The following USP34 variants were observed in gnomAD, a reference collection of about 807,000 sequenced individuals.
USP34 encodes ubiquitin specific peptidase 34, also known as ubiquitin carboxyl-terminal hydrolase 34.
Under a neutral mutation model 460.3 loss-of-function variants are expected in USP34, and 70 were observed. The ratio of observed to expected loss-of-function variants is 0.15; its 90% CI spans 0.13 to 0.19. The LOEUF is 0.19. Among genes scored for constraint, USP34 ranks in the 10% least tolerant of loss-of-function variants. The pLI is 1.00. For missense variants in USP34, 3,985 were observed against 4,236.2 expected (o/e 0.94, Z 1.65); for synonymous variants, 1,647 against 1,405.3 (o/e 1.17, Z -3.85).
At chr2:61,229,495 CACCA>C in intron 59 of USP34, 49 bp downstream of exon 59, 14 of 497,358 alleles carry the variant, frequency 2.8e-5, no homozygotes, top group South Asian at 4.1e-5. Flanking sequence ...AAAACAAAAA[CACCA>C]CACACACACA....
chr2:61,263,350 T>C (rs983795522), intron 43 of USP34, among the ~76,000 whole-genome samples: 44 of 151,702 alleles, frequency 2.9e-4, no homozygotes, highest in African/African-American at 1.0e-3. Flanking sequence ...TGGCTAATTT[T>C]CATATTTTTT....
intron 70 of USP34, chr2:61,208,246 A>G (rs1400985003): frequency 6.6e-6 from 1 of 152,190 alleles, no homozygotes; most frequent in Non-Finnish European, 1.5e-5. Context: ...CAGAAACTCA[A>G]AAGAACGCAA....
rs770411074 is a variant in USP34 at position 61,347,867 on chromosome 2, T to TACCC, written c.2284_2285+2dup. On this transcript the variant is annotated splice_region_variant and intron_variant, in intron 15 of 79. Transcript: ENST00000398571. ...CTGAATATTTATTTTGAAGTAGGCTTACCCATCGTGGTGGTGGTGATGGTG... is the reference window on the plus strand; with the variant it reads ...CTGAATATTTATTTTGAAGTAGGCTTACCCACCCATCGTGGTGGTGGTGATGGTG... 6.2e-7 allele frequency: 1 copy of TACCC among 1,612,280 alleles called. No individual in the cohort carries two copies.
chr2:61,355,269 TTGAAA>T (rs1692068819), intron 10 of USP34, among the ~76,000 whole-genome samples: 1 of 152,176 alleles, frequency 6.6e-6, no homozygotes, highest in Non-Finnish European at 1.5e-5. Context: ...GTCCTTCCAG[TTGAAA>T]TGAAATAAGA....
At chr2:61,359,995 G>C (rs1250301337) in intron 10 of USP34, among the ~76,000 whole-genome samples, 1 of 151,938 alleles carries the variant, frequency 6.6e-6, no homozygotes, top group African/African-American at 2.4e-5. Context: ...ATGTTGGCCA[G>C]GCTGGTCTTG....
chr2:61,372,445 C>A (rs953417145), intron 8 of USP34, among the ~76,000 whole-genome samples: 1 of 151,988 alleles, frequency 6.6e-6, no homozygotes, highest in East Asian at 1.9e-4. Flanking sequence ...AATAGAAGAC[C>A]CAGGCTGGTG....
At chr2:61,317,605 T>A (rs1290339638) in intron 23 of USP34, 49 bp downstream of exon 23, 1 of 1,486,512 alleles carries the variant, frequency 6.7e-7, no homozygotes, top group Non-Finnish European at 9.3e-7. Context: ...AATTTGATAA[T>A]CTAATTTGAG....
chr2:61,257,057 A>T lies in USP34; in HGVS notation c.6043T>A (p.Ser2015Thr), dbSNP rs764252827. ...AAACCAGGTATAATACTTACCAAGG[A>T]TACAACATTGTTTGTAATTACACCT... ...FGGVITNNVV[S>T]LDCEHVSQTA... The change falls in exon 46 of 80, where the codon TCC becomes ACC. Residue 2015 changes from serine (S) to threonine (T), a missense_variant. Physicochemically the swap from Ser to Thr is moderately conservative, Grantham distance 58. Around this residue, in one of 14 missense-constraint regions of USP34, gnomAD observed 145 missense variants for 291.6 expected, o/e 0.50. Transcript: ENST00000398571. 3 of 1,572,168 alleles carry T rather than the reference A, an allele frequency of 1.9e-6. No individual in the cohort carries two copies. The highest frequency in any genetic ancestry group is 2.6e-6 in the Non-Finnish European group (3 of 1,162,762).
chr2:61,237,736 T>A (rs1032930116), intron 53 of USP34, among the ~76,000 whole-genome samples: 11 of 149,738 alleles, frequency 7.3e-5, no homozygotes, highest in African/African-American at 1.2e-4. Flanking sequence ...GCCCAGCTAT[T>A]ATTTTTGTAT....
intron 37 of USP34, among the ~76,000 whole-genome samples, chr2:61,281,645 C>CAT (rs1342222908): frequency 3.3e-5 from 5 of 152,034 alleles, no homozygotes; most frequent in African/African-American, 7.2e-5. Flanking sequence ...TAATCCCATA[C>CAT]ATATATATAT....
rs944597982 is a variant in USP34, at chr2:61,214,212, C to T, written c.8530G>A (p.Val2844Met). 2.1e-5 allele frequency: 34 copies of T among 1,614,082 alleles called. No individual in the cohort carries two copies. Among genetic ancestry groups the T allele is most frequent in the Non-Finnish European group, 2.8e-5 (33 of 1,180,046 alleles). Residue 2844 changes from valine (V) to methionine (M), a missense_variant, in exon 68 of 80, where the codon GTG (valine) becomes ATG (methionine). Physicochemically the swap from Val to Met is conservative, Grantham distance 21. This residue lies in a region of USP34 where 66 missense variants were observed against 121.2 expected (regional missense o/e 0.54). Coordinates refer to ENST00000398571, the MANE Select transcript of USP34 (RefSeq NM_014709.4). ...ILADHDDQDVVLFNRGMLPAY... is the reference protein window; with the variant it reads ...ILADHDDQDVMLFNRGMLPAY... ...GGCAGCATCCCACGGTTAAAAAGCA[C>T]CACATCCTGATCATCATGGTCAGCA...
chr2:61,265,835 T>G (rs1415404710), intron 42 of USP34, 149 bp downstream of exon 42: 2 of 734,510 alleles, frequency 2.7e-6, no homozygotes, highest in African/African-American at 3.6e-5. Flanking sequence ...CACATCAATG[T>G]TTACTTTTTA....
chr2:61,362,974 A>C (rs1692319849), intron 10 of USP34, among the ~76,000 whole-genome samples: 1 of 152,242 alleles, frequency 6.6e-6, no homozygotes. Context: ...TGATTTTAAA[A>C]ATTAACATCC....
Position 61,432,983 on chromosome 2 carries a change from G to A in USP34, c.44-12150C>T, listed in dbSNP as rs1224215818. On this transcript the variant is annotated intron_variant, in intron 1 of 79. Coordinates refer to ENST00000398571, the MANE Select transcript of USP34 (RefSeq NM_014709.4). ...GTAATACATTCAAGATATTAGATAAGCTGAAGAATTCCAGCAAAGTTATGA... is the reference window on the plus strand; with the variant it reads ...GTAATACATTCAAGATATTAGATAAACTGAAGAATTCCAGCAAAGTTATGA... Among the ~76,000 whole-genome samples, 6 of 152,198 alleles carry A rather than the reference G, an allele frequency of 3.9e-5. 1 individual carries two copies. Among genetic ancestry groups the A allele is most frequent in the Admixed American group, 3.3e-4 (5 of 15,282 alleles).
At chr2:61,445,995 C>T (rs1695104363) in intron 1 of USP34, among the ~76,000 whole-genome samples, 1 of 151,502 alleles carries the variant, frequency 6.6e-6, no homozygotes. Context: ...CACCTGTAAT[C>T]CCAGCCACTC....
intron 69 of USP34, 141 bp from the exon 70 acceptor site, chr2:61,209,118 C>T (rs890755203): frequency 9.3e-6 from 4 of 431,574 alleles, no homozygotes; most frequent in African/African-American, 8.2e-5. Flanking sequence ...TCATCTGTTT[C>T]CTGGAAATGC....
At position 61,189,012 on chromosome 2, in the gene USP34, C is replaced by T; in HGVS notation, c.9931G>A (p.Ala3311Thr). 1 of 1,614,208 alleles carries T rather than the reference C, an allele frequency of 6.2e-7. No individual in the cohort carries two copies. The highest frequency in any genetic ancestry group is 8.5e-7 in the Non-Finnish European group (1 of 1,180,050). Reference sequence around the variant, plus strand: ...AGCTCTTGCAGAGTTGGAATTAGAGCTGGGTTTAACTGTTTGGGAGTGTGT... The same window carrying T: ...AGCTCTTGCAGAGTTGGAATTAGAGTTGGGTTTAACTGTTTGGGAGTGTGT... ...SVHTPKQLNP[A>T]LIPTLQELLS... Residue 3311 changes from alanine (A) to threonine (T), a missense_variant, in exon 79 of 80, where the codon GCT becomes ACT. Physicochemically the swap from Ala to Thr is moderately conservative, Grantham distance 58. This residue lies in a region of USP34 where 506 missense variants were observed against 439.0 expected (regional missense o/e 1.15). Coordinates refer to ENST00000398571, the MANE Select transcript of USP34 (RefSeq NM_014709.4).
In USP34 at chr2:61,368,442, A is replaced by G. The variant is rs183810410; in HGVS notation, c.1251+1879T>C. ...GCAAGACTCCATCTCAAAAAAAAAA[A>G]AGAAGAATGGGCATGTCTGTGTAGC... On this transcript the variant is annotated intron_variant, in intron 10 of 79. Coordinates refer to ENST00000398571, the MANE Select transcript of USP34 (RefSeq NM_014709.4). Among the ~76,000 whole-genome samples, 30 of 152,156 alleles carry G rather than the reference A, an allele frequency of 2.0e-4. No homozygotes were observed. The East Asian group carries it at 5.2e-3, about 26-fold the overall frequency.
intron 37 of USP34, among the ~76,000 whole-genome samples, chr2:61,281,559 G>A (rs1040075048): frequency 1.1e-4 from 16 of 152,192 alleles, no homozygotes; most frequent in African/African-American, 3.9e-4. Flanking sequence ...GCAGTGAGCT[G>A]ATATGCCACT....
Sources: allele counts gnomAD v4.1 joint callset (sites outside exome capture counted in the v4.1 genomes callset), GRCh38; gene constraint gnomAD v4.1.1; regional missense constraint gnomAD v4.1.1; transcripts MANE v1.5; gene names NCBI Gene and HGNC (gene_info 2026-07-23, HGNC 2026-07-21).